STX8: variants seen among roughly 807,000 people sequenced by gnomAD.
STX8 encodes syntaxin 8, also known as syntaxin-8.
In STX8, 23 loss-of-function variants were observed where a neutral mutation model predicts 37.5. The ratio of observed to expected loss-of-function variants is 0.61; its 90% CI spans 0.44 to 0.87. The LOEUF (loss-of-function observed/expected upper bound fraction) is 0.87, where lower values mean the gene tolerates loss of function less well. Ranked by LOEUF, STX8 falls within the 40% of genes least tolerant of loss-of-function variation. The pLI, the probability that STX8 is intolerant of heterozygous loss-of-function variation, is 0.00. For missense variants in STX8, 313 were observed against 284.7 expected (o/e 1.10, Z -0.71); for synonymous variants, 115 against 99.1 (o/e 1.16, Z -0.95).
intron 6 of STX8, among the ~76,000 whole-genome samples, chr17:9,435,262 G>A (rs752388868): frequency 5.3e-5 from 8 of 152,150 alleles, no homozygotes; most frequent in Non-Finnish European, 1.0e-4. Context: ...GAGTAAAGTT[G>A]GAAATATGGA....
chr17:9,302,717 A>T (rs949725426), intron 7 of STX8, among the ~76,000 whole-genome samples: 2 of 152,108 alleles, frequency 1.3e-5, no homozygotes, highest in African/African-American at 4.8e-5. Context: ...TGGAGACAAG[A>T]CAGAGAGAAA....
At chr17:9,553,384 C>G (rs888879944) in intron 3 of STX8, 2 of 152,170 alleles carry the variant, frequency 1.3e-5, no homozygotes, top group Admixed American at 1.3e-4. Context: ...GAGAGCATAA[C>G]ATCTCATGCC....
rs561595651 is a variant in STX8 at position 9,296,017 on chromosome 17, T to C, written c.644-45372A>G. Among the ~76,000 whole-genome samples, 8 of 151,960 alleles carry C rather than the reference T, an allele frequency of 5.3e-5. No homozygotes were observed. In the South Asian group the frequency reaches 1.2e-3, roughly 24 times the overall value. On this transcript the variant is annotated intron_variant, in intron 7 of 7. Coordinates refer to ENST00000306357, the MANE Select transcript of STX8 (RefSeq NM_004853.3). ...CATCCTGGCTAACACGGTGAAACCC[T>C]GCCTCTGCTAAAAATACAAAAAATT...
chr17:9,524,673 C>T (rs920624273), intron 4 of STX8, among the ~76,000 whole-genome samples: 2 of 152,164 alleles, frequency 1.3e-5, no homozygotes, highest in African/African-American at 4.8e-5. Context: ...CCATCACTTC[C>T]ACCTCAATAA....
At chr17:9,324,684 G>C (rs1286299660) in intron 7 of STX8, among the ~76,000 whole-genome samples, 1 of 148,140 alleles carries the variant, frequency 6.8e-6, no homozygotes, top group African/African-American at 2.5e-5. Flanking sequence ...AGAACTGCTT[G>C]AACCCGGGAA....
chr17:9,347,910 C>T (rs1428940015), intron 7 of STX8, among the ~76,000 whole-genome samples: 1 of 152,120 alleles, frequency 6.6e-6, no homozygotes. Context: ...TTGTTTCTGG[C>T]TTCTTTCACT....
chr17:9,429,688 G>A (rs1161015445), intron 6 of STX8, among the ~76,000 whole-genome samples: 1 of 113,472 alleles, frequency 8.8e-6, no homozygotes, highest in Non-Finnish European at 1.7e-5. Flanking sequence ...GGGCGACAGT[G>A]CAAGACTCCA....
chr17:9,368,700 A>G (rs1911306697), intron 7 of STX8, among the ~76,000 whole-genome samples: 1 of 151,914 alleles, frequency 6.6e-6, no homozygotes, highest in South Asian at 2.1e-4. Flanking sequence ...GTGGGACCAT[A>G]GTATATATAC....
intron 6 of STX8, among the ~76,000 whole-genome samples, chr17:9,406,250 G>A (rs1227458640): frequency 1.3e-5 from 2 of 152,138 alleles, no homozygotes; most frequent in Admixed American, 1.3e-4. Context: ...TGAATCACTA[G>A]TATCACATTG....
intron 6 of STX8, among the ~76,000 whole-genome samples, chr17:9,441,799 C>A (rs1469454121): frequency 1.3e-5 from 2 of 151,482 alleles, no homozygotes; most frequent in Non-Finnish European, 2.9e-5. Flanking sequence ...CCTCAGCCTC[C>A]CAAGTAGCTG....
At chr17:9,483,458 TC>T (rs1358510319) in intron 6 of STX8, among the ~76,000 whole-genome samples, 2 of 152,112 alleles carry the variant, frequency 1.3e-5, no homozygotes, top group African/African-American at 4.8e-5. Context: ...ATCTGCAAAG[TC>T]CCTTTTGCCA....
At chr17:9,418,644 C>T (rs965425632) in intron 6 of STX8, among the ~76,000 whole-genome samples, 2 of 150,912 alleles carry the variant, frequency 1.3e-5, no homozygotes, top group East Asian at 3.9e-4. Context: ...CTGGCTAACA[C>T]GTGAAACCCC....
rs543918883 is a variant in STX8, at chr17:9,307,871, C to T, written c.644-57226G>A. On this transcript the variant is annotated intron_variant, in intron 7 of 7. Transcript: ENST00000306357. ...GGTCTTAGAAGCTAGAACTCTTCTC[C>T]CCCAAAAGCAAGCTATAAAACCTAG... 6.6e-5 allele frequency among the ~76,000 whole-genome samples: 10 copies of T among 152,122 alleles called. No individual in the cohort carries two copies. In the South Asian group the frequency reaches 2.1e-3, roughly 32 times the overall value.
chr17:9,297,255 A>C (rs200914127), intron 7 of STX8, among the ~76,000 whole-genome samples: 1 of 148,330 alleles, frequency 6.7e-6, no homozygotes, highest in African/African-American at 2.4e-5. Flanking sequence ...AAAAAAAAAA[A>C]AAGAAAAAAA....
intron 6 of STX8, among the ~76,000 whole-genome samples, chr17:9,474,894 T>C (rs1258041889): frequency 6.6e-6 from 1 of 151,940 alleles, no homozygotes; most frequent in Non-Finnish European, 1.5e-5. Flanking sequence ...ATCGCTTGAA[T>C]CCAGGAGGCA....
chr17:9,486,535 A>G (rs931162322), intron 6 of STX8, among the ~76,000 whole-genome samples: 4 of 151,904 alleles, frequency 2.6e-5, no homozygotes, highest in African/African-American at 9.7e-5. Flanking sequence ...AATTCTGTTC[A>G]TTTTCTTGTT....
At position 9,462,621 on chromosome 17, in the gene STX8, G is replaced by A. The variant is rs1905445536; in HGVS notation, c.541+29208C>T. On this transcript the variant is annotated intron_variant, in intron 6 of 7. Coordinates refer to ENST00000306357, the MANE Select transcript of STX8 (RefSeq NM_004853.3). ...GCCTGTAATCCCAGCTACTCAGGAG[G>A]CTGAGGCACAAGAATTGCTTGAACC... 2.0e-5 allele frequency among the ~76,000 whole-genome samples: 3 copies of A among 152,092 alleles called. No individual in the cohort carries two copies. The South Asian group carries it at 6.2e-4, about 32-fold the overall frequency.
At chr17:9,309,787 T>C (rs543760516) in intron 7 of STX8, among the ~76,000 whole-genome samples, 1 of 152,230 alleles carries the variant, frequency 6.6e-6, no homozygotes, top group East Asian at 1.9e-4. Flanking sequence ...TTTGCTAAAA[T>C]AGGAAAAGTA....
chr17:9,304,910 T>C (rs1908915808), intron 7 of STX8, among the ~76,000 whole-genome samples: 1 of 137,304 alleles, frequency 7.3e-6, no homozygotes, highest in Non-Finnish European at 1.5e-5. Context: ...CTTTCATATA[T>C]GGGCGAAAAA....
Sources: gnomAD v4.1 joint callset for allele counts (sites outside exome capture counted in the v4.1 genomes callset) on GRCh38, gnomAD v4.1.1 for gene constraint, MANE v1.5 for transcripts, NCBI Gene and HGNC (gene_info 2026-07-23, HGNC 2026-07-21) for gene names.